Variants in DCC observed in about 807,000 individuals in gnomAD.
DCC encodes the protein DCC netrin 1 receptor, also known as netrin receptor DCC.
DCC carries 58 observed loss-of-function variants against 172.5 expected under a neutral mutation model. That is an observed-to-expected ratio of 0.34 (90% CI 0.27 to 0.42). The LOEUF is 0.42. DCC is among the 10% of genes least tolerant of loss of function. The pLI, the probability that DCC is intolerant of heterozygous loss-of-function variation, is 1.00. For synonymous variants in DCC, 709 were observed against 644.5 expected, an observed-to-expected ratio of 1.10 and a Z score of -1.52; for missense variants, 1,740 against 1,791.0, an observed-to-expected ratio of 0.97 and a Z score of 0.51.
chr18:52,487,070 A>T (rs1401817223), intron 1 of DCC, among the ~76,000 whole-genome samples: 2 of 152,158 alleles, frequency 1.3e-5, no homozygotes, highest in African/African-American at 4.8e-5. Context: ...GTTTTTGAAG[A>T]TGCTTCCAGA....
intron 1 of DCC, among the ~76,000 whole-genome samples, chr18:52,352,247 G>A (rs914969471): frequency 3.9e-5 from 6 of 152,128 alleles, no homozygotes; most frequent in Non-Finnish European, 5.9e-5. Context: ...CATTTATCCC[G>A]AGGTAGTCTT....
At chr18:52,952,583 C>T (rs1443539863) in intron 5 of DCC, among the ~76,000 whole-genome samples, 1 of 152,320 alleles carries the variant, frequency 6.6e-6, no homozygotes, top group East Asian at 1.9e-4. Context: ...TTCTACTCAG[C>T]TCAAGTACCC....
Position 53,142,175 on chromosome 18 carries a change from C to A in DCC, c.1262-15181C>A, listed in dbSNP as rs372527632. Among the ~76,000 whole-genome samples the A allele has an allele frequency of 3.9e-5, 6 of 152,162 alleles. No homozygotes were observed. The East Asian group carries it at 7.7e-4, about 20-fold the overall frequency. ...GTGCATTACTCCCTAGGATGAAAAA[C>A]AAAGTAGACACACAGGCTGACTGGT... On this transcript the variant is annotated intron_variant, in intron 7 of 28. Coordinates refer to ENST00000442544, the MANE Select transcript of DCC (RefSeq NM_005215.4).
At chr18:53,297,023 G>A (rs1191560440) in intron 12 of DCC, among the ~76,000 whole-genome samples, 3 of 152,200 alleles carry the variant, frequency 2.0e-5, no homozygotes, top group Non-Finnish European at 4.4e-5. Context: ...TCACTCTGGA[G>A]AGAGTAAGGC....
At chr18:53,469,926 T>C (rs537914291) in intron 25 of DCC, among the ~76,000 whole-genome samples, 4 of 152,322 alleles carry the variant, frequency 2.6e-5, no homozygotes, top group South Asian at 2.1e-4. Flanking sequence ...TCTCATACTC[T>C]CAGAAACAGT....
intron 23 of DCC, among the ~76,000 whole-genome samples, chr18:53,455,537 G>A (rs1023199344): frequency 1.3e-5 from 2 of 152,200 alleles, no homozygotes; most frequent in Non-Finnish European, 2.9e-5. Flanking sequence ...AACCAGAGAA[G>A]AAGCTTTCAG....
At chr18:53,406,390 G>C (rs1314047163) in intron 19 of DCC, among the ~76,000 whole-genome samples, 2 of 137,546 alleles carry the variant, frequency 1.5e-5, no homozygotes, top group Non-Finnish European at 3.2e-5. Context: ...AGTAGAGTTA[G>C]GGATTCTGAG....
At chr18:53,447,037 CATT>C in intron 22 of DCC, among the ~76,000 whole-genome samples, 1 of 152,210 alleles carries the variant, frequency 6.6e-6, no homozygotes, top group Middle Eastern at 3.4e-3. Context: ...AATGAATCGA[CATT>C]ATATATTAAA....
At chr18:52,835,207 T>C (rs535453045) in intron 2 of DCC, among the ~76,000 whole-genome samples, 1 of 152,264 alleles carries the variant, frequency 6.6e-6, no homozygotes, top group Admixed American at 6.5e-5. Flanking sequence ...GATAAACTGG[T>C]TGTTGCCATA....
At chr18:52,396,688 A>G (rs1373111767) in intron 1 of DCC, among the ~76,000 whole-genome samples, 3 of 152,116 alleles carry the variant, frequency 2.0e-5, no homozygotes, top group Non-Finnish European at 2.9e-5. Context: ...TTTCAATAAA[A>G]TAGAATGGTG....
At chr18:52,394,078 C>T (rs1428774377) in intron 1 of DCC, among the ~76,000 whole-genome samples, 3 of 152,096 alleles carry the variant, frequency 2.0e-5, no homozygotes, top group Non-Finnish European at 4.4e-5. Flanking sequence ...ATTTACAATA[C>T]TATGAGCTAA....
chr18:53,296,437 G>A (rs2057069129), intron 12 of DCC, among the ~76,000 whole-genome samples: 1 of 152,130 alleles, frequency 6.6e-6, no homozygotes, highest in Non-Finnish European at 1.5e-5. Flanking sequence ...ATCCTACGAG[G>A]GAGGGACTGC....
At chr18:52,613,191 G>A (rs1052733067) in intron 1 of DCC, among the ~76,000 whole-genome samples, 1 of 152,108 alleles carries the variant, frequency 6.6e-6, no homozygotes, top group Non-Finnish European at 1.5e-5. Flanking sequence ...ACAGATCTGT[G>A]ATATACATGA....
chr18:53,454,031 G>A (rs77027281), intron 23 of DCC, among the ~76,000 whole-genome samples: 4,456 of 152,104 alleles, frequency 0.029, 238 homozygotes, highest in African/African-American at 0.1. Flanking sequence ...TGAGATTATC[G>A]TATGACATCT....
chr18:52,504,864 A>G (rs928245782), intron 1 of DCC, among the ~76,000 whole-genome samples: 1 of 152,086 alleles, frequency 6.6e-6, no homozygotes, highest in Non-Finnish European at 1.5e-5. Flanking sequence ...CAGCAATCCG[A>G]CAATTCTGGT....
intron 15 of DCC, among the ~76,000 whole-genome samples, chr18:53,360,712 T>C (rs1422697523): frequency 2.0e-5 from 3 of 152,192 alleles, no homozygotes; most frequent in Non-Finnish European, 4.4e-5. Context: ...TCATTTGTCA[T>C]GTCTTTCATT....
chr18:53,041,632 CTTT>C (rs2042170087), intron 5 of DCC, among the ~76,000 whole-genome samples: 1 of 151,984 alleles, frequency 6.6e-6, no homozygotes, highest in Non-Finnish European at 1.5e-5. Flanking sequence ...GATATTGAGT[CTTT>C]CTATCCATGA....
chr18:52,773,487 C>A (rs946007927), intron 2 of DCC, among the ~76,000 whole-genome samples: 2 of 142,148 alleles, frequency 1.4e-5, no homozygotes, highest in Admixed American at 7.2e-5. Context: ...TTAACCCCCC[C>A]AAATATATAT....
intron 2 of DCC, among the ~76,000 whole-genome samples, chr18:52,847,926 G>C (rs1204667849): frequency 6.6e-6 from 1 of 151,924 alleles, no homozygotes; most frequent in Non-Finnish European, 1.5e-5. Context: ...CTCCAGTTTT[G>C]GTATTTTGAA....
Sources: gnomAD v4.1 joint callset for allele counts (sites outside exome capture counted in the v4.1 genomes callset) on GRCh38, gnomAD v4.1.1 for gene constraint, MANE v1.5 for transcripts, NCBI Gene and HGNC (gene_info 2026-07-23, HGNC 2026-07-21) for gene names.